The following FOXP2 variants were observed in gnomAD, a reference collection of about 807,000 sequenced individuals.
FOXP2 encodes the protein forkhead box protein P2.
In FOXP2, 12 loss-of-function variants were observed where a neutral mutation model predicts 115.8. That is an observed-to-expected ratio of 0.10 (90% CI 0.07 to 0.17). FOXP2 has a LOEUF of 0.17. FOXP2 is among the 10% of genes least tolerant of loss of function. The pLI, the probability that FOXP2 is intolerant of heterozygous loss-of-function variation, is 1.00. For synonymous variants in FOXP2, 328 were observed against 297.7 expected (o/e 1.10, Z -1.05); for missense variants, 629 against 843.5 (o/e 0.75, Z 3.15).
intron 11 of FOXP2, 135 bp from the exon 12 acceptor site, chr7:114,659,221 T>C: frequency 1.4e-6 from 1 of 693,638 alleles, no homozygotes; most frequent in South Asian, 1.7e-5. Context: ...TCAATTCCAC[T>C]GTCATGCTTT....
At chr7:114,525,181 G>T (rs1213203523) in intron 2 of FOXP2, among the ~76,000 whole-genome samples, 1 of 152,144 alleles carries the variant, frequency 6.6e-6, no homozygotes, top group East Asian at 1.9e-4. Context: ...TCAGGAGTTA[G>T]TTTCAAATGA....
At chr7:114,553,498 A>G (rs1341235843) in intron 3 of FOXP2, among the ~76,000 whole-genome samples, 1 of 152,182 alleles carries the variant, frequency 6.6e-6, no homozygotes, top group Non-Finnish European at 1.5e-5. Context: ...ATTAATGTAC[A>G]TGCTCTCATT....
intron 2 of FOXP2, among the ~76,000 whole-genome samples, chr7:114,328,240 T>C (rs7797310): frequency 0.4 from 54,743 of 136,978 alleles, 10,562 homozygotes; most frequent in East Asian, 0.5. Flanking sequence ...TTTCTTTTTT[T>C]TTTTTTTTTT....
intron 1 of FOXP2, among the ~76,000 whole-genome samples, chr7:114,152,025 A>T (rs1792541216): frequency 6.6e-6 from 1 of 152,162 alleles, no homozygotes; most frequent in Non-Finnish European, 1.5e-5. Context: ...CAAGATCTAA[A>T]ACTACAGCTC....
chr7:114,286,276 A>G (rs1796465385), intron 1 of FOXP2, among the ~76,000 whole-genome samples: 1 of 151,960 alleles, frequency 6.6e-6, no homozygotes, highest in South Asian at 2.1e-4. Flanking sequence ...TTTTTAGTAC[A>G]TGTTAATATT....
intron 2 of FOXP2, among the ~76,000 whole-genome samples, chr7:114,386,450 T>C (rs2129193146): frequency 6.6e-6 from 1 of 152,294 alleles, no homozygotes; most frequent in South Asian, 2.1e-4. Flanking sequence ...TTTTAGGAAA[T>C]GGCAAAACAG....
At chr7:114,463,335 C>T (rs1795662417) in intron 2 of FOXP2, among the ~76,000 whole-genome samples, 2 of 152,218 alleles carry the variant, frequency 1.3e-5, no homozygotes, top group East Asian at 1.9e-4. Context: ...ATAGAACATT[C>T]TGTGATGATA....
At chr7:114,172,428 G>C (rs1277827868) in intron 1 of FOXP2, among the ~76,000 whole-genome samples, 1 of 152,106 alleles carries the variant, frequency 6.6e-6, no homozygotes, top group African/African-American at 2.4e-5. Context: ...TTTAATGTTG[G>C]ACACATGGCA....
intron 1 of FOXP2, among the ~76,000 whole-genome samples, chr7:114,286,954 G>C (rs1193159120): frequency 6.6e-6 from 1 of 152,042 alleles, no homozygotes; most frequent in Non-Finnish European, 1.5e-5. Context: ...AATACAATTA[G>C]TGAAATGTCT....
chr7:114,295,582 T>C (rs1345248625), intron 2 of FOXP2, among the ~76,000 whole-genome samples: 3 of 152,202 alleles, frequency 2.0e-5, no homozygotes, highest in Non-Finnish European at 1.5e-5. Flanking sequence ...CTATGAAACC[T>C]CATTTTAAAC....
At position 114,214,543 on chromosome 7, in the gene FOXP2, A is replaced by G. The variant is rs1393349047; in HGVS notation, c.-102+51455A>G. Among the ~76,000 whole-genome samples the G allele has an allele frequency of 2.0e-5, 3 of 152,210 alleles. No homozygotes were observed. In the East Asian group the frequency reaches 5.8e-4, roughly 29 times the overall value. Reference sequence around the variant, plus strand: ...CTTTTTACCATGGCTACTGAAGTTCAGAGGCCTGTAATAAACTAGTATGTT... The same window carrying G: ...CTTTTTACCATGGCTACTGAAGTTCGGAGGCCTGTAATAAACTAGTATGTT... On this transcript the variant is annotated intron_variant, in intron 1 of 17. Transcript: ENST00000634411.
chr7:114,333,772 C>T (rs1267307270), intron 2 of FOXP2, among the ~76,000 whole-genome samples: 4 of 152,062 alleles, frequency 2.6e-5, no homozygotes, highest in Non-Finnish European at 5.9e-5. Flanking sequence ...CCTGTAGTCC[C>T]AGCCATTCAG....
chr7:114,531,633 TC>T (rs1367507973), intron 2 of FOXP2, among the ~76,000 whole-genome samples: 1 of 151,936 alleles, frequency 6.6e-6, no homozygotes, highest in Non-Finnish European at 1.5e-5. Flanking sequence ...TATAGCAGTC[TC>T]TACTCTACCA....
chr7:114,506,223 G>A (rs1292462516), intron 2 of FOXP2, among the ~76,000 whole-genome samples: 1 of 151,646 alleles, frequency 6.6e-6, no homozygotes, highest in Admixed American at 6.6e-5. Flanking sequence ...AACTAATCAA[G>A]ATCAGTTACT....
chr7:114,491,732 G>T (rs1313283474), intron 2 of FOXP2, among the ~76,000 whole-genome samples: 1 of 152,106 alleles, frequency 6.6e-6, no homozygotes, highest in Non-Finnish European at 1.5e-5. Flanking sequence ...TGCGTATGTT[G>T]AACCAGCCTT....
intron 3 of FOXP2, among the ~76,000 whole-genome samples, chr7:114,624,346 C>G (rs1804412879): frequency 6.6e-6 from 1 of 151,790 alleles, no homozygotes; most frequent in Admixed American, 6.6e-5. Flanking sequence ...AAATTTTAAA[C>G]AAAGAATAAA....
chr7:114,576,558 G>T (rs1041696803), intron 3 of FOXP2, among the ~76,000 whole-genome samples: 3 of 151,764 alleles, frequency 2.0e-5, no homozygotes, highest in Non-Finnish European at 2.9e-5. Context: ...CTGATGAAAG[G>T]ATTATTTATT....
chr7:114,407,735 C>A (rs564390492), intron 2 of FOXP2, among the ~76,000 whole-genome samples: 41 of 152,128 alleles, frequency 2.7e-4, no homozygotes, highest in Middle Eastern at 3.4e-3. Flanking sequence ...TTTAGGTTTT[C>A]CTTGACCTTT....
chr7:114,607,630 T>C (rs960955712), intron 3 of FOXP2, among the ~76,000 whole-genome samples: 2 of 152,168 alleles, frequency 1.3e-5, no homozygotes, highest in Non-Finnish European at 2.9e-5. Flanking sequence ...GAAATTTGTA[T>C]TCTCCCACAA....
Sources: gnomAD v4.1 joint callset for allele counts (sites outside exome capture counted in the v4.1 genomes callset) on GRCh38, gnomAD v4.1.1 for gene constraint, MANE v1.5 for transcripts, NCBI Gene and HGNC (gene_info 2026-07-23, HGNC 2026-07-21) for gene names.